PRKCE: variants seen among roughly 807,000 people sequenced by gnomAD.
PRKCE encodes protein kinase C epsilon type.
PRKCE carries 16 observed loss-of-function variants against 85.4 expected under a neutral mutation model. The ratio of observed to expected loss-of-function variants is 0.19; its 90% CI spans 0.13 to 0.28. The LOEUF is 0.28. PRKCE is among the 10% of genes least tolerant of loss of function. The pLI is 1.00. For missense variants in PRKCE, 573 were observed against 975.2 expected (o/e 0.59, Z 5.49); for synonymous variants, 388 against 371.5 (o/e 1.04, Z -0.51).
intron 2 of PRKCE, among the ~76,000 whole-genome samples, chr2:45,867,661 T>C (rs1482745441): frequency 6.6e-6 from 1 of 152,144 alleles, no homozygotes; most frequent in African/African-American, 2.4e-5. Context: ...TCATCAGAGG[T>C]TTTGTTTTCC....
At chr2:46,181,793 C>A (rs750761864) in intron 14 of PRKCE, among the ~76,000 whole-genome samples, 1 of 152,170 alleles carries the variant, frequency 6.6e-6, no homozygotes, top group Non-Finnish European at 1.5e-5. Context: ...TCATTAGCAG[C>A]CATCTGGGAG....
At chr2:45,727,910 C>T (rs1268257064) in intron 1 of PRKCE, among the ~76,000 whole-genome samples, 3 of 152,176 alleles carry the variant, frequency 2.0e-5, no homozygotes, top group Non-Finnish European at 4.4e-5. Context: ...GCCTCGGCCT[C>T]CCAAAGTGCT....
chr2:45,822,243 T>C (rs182383682), intron 1 of PRKCE, among the ~76,000 whole-genome samples: 4 of 152,112 alleles, frequency 2.6e-5, no homozygotes, highest in Admixed American at 2.6e-4. Flanking sequence ...AAAGGGAGAA[T>C]GGTAATTTTG....
intron 2 of PRKCE, among the ~76,000 whole-genome samples, chr2:45,856,958 G>A (rs765544706): frequency 2.6e-5 from 4 of 152,194 alleles, no homozygotes; most frequent in Non-Finnish European, 5.9e-5. Flanking sequence ...ATCATCAGAT[G>A]GGAATTTAGG....
chr2:45,885,118 G>C (rs1380073423), intron 2 of PRKCE, among the ~76,000 whole-genome samples: 1 of 151,180 alleles, frequency 6.6e-6, no homozygotes, highest in Non-Finnish European at 1.5e-5. Context: ...CTTATGACTT[G>C]GTCTCTCTGG....
chr2:46,004,405 A>G lies in PRKCE; in HGVS notation c.967-137A>G, dbSNP rs866936776. 2 of 735,996 alleles carry G rather than the reference A, an allele frequency of 2.7e-6. No individual in the cohort carries two copies. The highest frequency in any genetic ancestry group is 2.4e-4 in the Middle Eastern group (1 of 4,198). The allele number at this position is 735,996 out of a possible 1,614,324, so 45.6% of individuals were successfully genotyped here. A position where few individuals can be genotyped will look rare whatever the true frequency, so the allele number is the denominator to read the frequency against. On this transcript the variant is annotated intron_variant, in intron 7 of 14. Transcript: ENST00000306156. The surrounding 1 kb of genome is among the most constrained non-coding windows in gnomAD (Gnocchi z 4.1). ...TTTGGCTACTTTGGCGATGGCTGCA[A>G]GAGGACAGAGATCTACTGAATTCCT... is the stretch of plus-strand genomic sequence containing the variant.
At chr2:45,738,586 A>G (rs2104616861) in intron 1 of PRKCE, among the ~76,000 whole-genome samples, 1 of 152,344 alleles carries the variant, frequency 6.6e-6, no homozygotes, top group East Asian at 1.9e-4. Context: ...TTCTTTATAT[A>G]ACCACAGATC....
chr2:46,067,227 T>G (rs987746959), intron 10 of PRKCE, among the ~76,000 whole-genome samples: 3 of 152,240 alleles, frequency 2.0e-5, no homozygotes, highest in African/African-American at 7.2e-5. Flanking sequence ...ATACAAGATA[T>G]CACCATATCC....
rs773401778 is a variant in PRKCE, at chr2:46,128,305, C to G, written c.1593-16788C>G. Among the ~76,000 whole-genome samples the G allele has an allele frequency of 4.6e-5, 7 of 152,046 alleles. 1 individual carries two copies. The highest frequency in any genetic ancestry group is 4.6e-4 in the Admixed American group (7 of 15,270). ...GTATGTGAGAAAGGGGTAATGAACTCATGGTTTAAATGGTCAAGTTTGGAA... is the reference window on the plus strand; with the variant it reads ...GTATGTGAGAAAGGGGTAATGAACTGATGGTTTAAATGGTCAAGTTTGGAA... On this transcript the variant is annotated intron_variant, in intron 11 of 14. Transcript: ENST00000306156.
chr2:45,813,245 G>A (rs1336247691), intron 1 of PRKCE, among the ~76,000 whole-genome samples: 3 of 152,184 alleles, frequency 2.0e-5, no homozygotes, highest in Admixed American at 6.5e-5. Flanking sequence ...CCAAGGGCCT[G>A]GGATGGGCTA....
At chr2:46,030,663 C>T (rs894722401) in intron 10 of PRKCE, among the ~76,000 whole-genome samples, 1 of 152,216 alleles carries the variant, frequency 6.6e-6, no homozygotes, top group African/African-American at 2.4e-5. Context: ...ATTAATGTCT[C>T]TTAGGATTGC....
At chr2:45,689,960 C>G (rs1357112790) in intron 1 of PRKCE, among the ~76,000 whole-genome samples, 1 of 151,832 alleles carries the variant, frequency 6.6e-6, no homozygotes, top group African/African-American at 2.4e-5. Context: ...ACTTCCCTCT[C>G]TAGAGACTAG....
At chr2:45,826,619 T>C (rs1216634183) in intron 1 of PRKCE, among the ~76,000 whole-genome samples, 2 of 152,118 alleles carry the variant, frequency 1.3e-5, no homozygotes, top group Admixed American at 1.3e-4. Context: ...GAACTTCAGA[T>C]CTGTAGATGC....
At chr2:45,796,714 A>G (rs1287651224) in intron 1 of PRKCE, among the ~76,000 whole-genome samples, 1 of 152,096 alleles carries the variant, frequency 6.6e-6, no homozygotes, top group Non-Finnish European at 1.5e-5. Context: ...ATTCTTAGCT[A>G]TTGTGCATTT....
intron 13 of PRKCE, among the ~76,000 whole-genome samples, chr2:46,153,216 C>G (rs940398713): frequency 6.6e-6 from 1 of 152,030 alleles, no homozygotes; most frequent in African/African-American, 2.4e-5. Flanking sequence ...AATAGGTAGC[C>G]ACAATTGGGA....
At chr2:45,852,177 G>A (rs1264044153) in intron 2 of PRKCE, among the ~76,000 whole-genome samples, 1 of 152,232 alleles carries the variant, frequency 6.6e-6, no homozygotes, top group Non-Finnish European at 1.5e-5. Flanking sequence ...GGGCAAGTCA[G>A]CTGCCGATGG....
At chr2:45,673,198 T>A (rs1558542133) in intron 1 of PRKCE, among the ~76,000 whole-genome samples, 3 of 152,240 alleles carry the variant, frequency 2.0e-5, no homozygotes, top group African/African-American at 7.2e-5. Flanking sequence ...CCTACTGCAA[T>A]GGTAGATTCT....
intron 1 of PRKCE, among the ~76,000 whole-genome samples, chr2:45,802,974 A>G (rs1391490386): frequency 6.6e-6 from 1 of 152,248 alleles, no homozygotes; most frequent in South Asian, 2.1e-4. Context: ...CCCAAGTGTT[A>G]TGTGAACAAG....
At chr2:45,918,762 G>A (rs1280331584) in intron 2 of PRKCE, among the ~76,000 whole-genome samples, 1 of 152,184 alleles carries the variant, frequency 6.6e-6, no homozygotes, top group Admixed American at 6.5e-5. Flanking sequence ...GCAGGGCTGA[G>A]GTTGGCGAGG....
Sources: gnomAD v4.1 joint callset for allele counts (sites outside exome capture counted in the v4.1 genomes callset) on GRCh38, gnomAD v4.1.1 for gene constraint, Gnocchi (gnomAD v3.1) non-coding constraint, MANE v1.5 for transcripts, NCBI Gene and HGNC (gene_info 2026-07-23, HGNC 2026-07-21) for gene names.